Variants in CNTN6 observed in about 807,000 individuals in gnomAD.
CNTN6 encodes the protein contactin-6.
A neutral mutation model predicts 122.8 loss-of-function variants in CNTN6; 137 were observed. That is an observed-to-expected ratio of 1.12 (90% CI 0.97 to 1.29). The LOEUF is 1.29. CNTN6 is among the 50% of genes most tolerant of loss of function. The pLI is 0.00. For synonymous variants in CNTN6, 570 were observed against 426.0 expected (o/e 1.34, Z -4.16); for missense variants, 1,634 against 1,223.4 (o/e 1.34, Z -5.01).
chr3:1,321,173 T>C (rs962198784), intron 7 of CNTN6, among the ~76,000 whole-genome samples: 5 of 151,860 alleles, frequency 3.3e-5, no homozygotes, highest in Admixed American at 6.6e-5. Context: ...CTTTATATTT[T>C]TGCCTTAGAA....
chr3:1,352,423 A>G lies in CNTN6; in HGVS notation c.1464A>G (p.Ala488=). 6.2e-7 allele frequency: 1 copy of G among 1,610,040 alleles called. No homozygotes were observed. Among genetic ancestry groups the G allele is most frequent in the Non-Finnish European group, 8.5e-7 (1 of 1,177,388 alleles). The change falls in exon 12 of 23, where the codon GCA becomes GCG. Residue 488 remains alanine, a synonymous_variant. Transcript: ENST00000446702. ...TAGCCACAAATCAGTTTGGCACTGC[A>G]AAGAACACTGGCAGCCTCATTGTAA... ...TCIATNQFGT[A]KNTGSLIVKE... is the part of the protein sequence containing the mutation.
intron 4 of CNTN6, among the ~76,000 whole-genome samples, chr3:1,274,093 GA>G (rs1185976646): frequency 6.6e-6 from 1 of 151,924 alleles, no homozygotes; most frequent in Non-Finnish European, 1.5e-5. Flanking sequence ...ACAATAGTAA[GA>G]AAAAAACCTT....
intron 1 of CNTN6, among the ~76,000 whole-genome samples, chr3:1,096,617 A>C (rs2124921922): frequency 6.6e-6 from 1 of 152,262 alleles, no homozygotes; most frequent in Non-Finnish European, 1.5e-5. Context: ...CTTGCAATAA[A>C]CCTATTAAGG....
intron 11 of CNTN6, among the ~76,000 whole-genome samples, chr3:1,349,383 T>A (rs1339398676): frequency 6.6e-6 from 1 of 151,840 alleles, no homozygotes; most frequent in Non-Finnish European, 1.5e-5. Context: ...TTATCTATTC[T>A]TCTGGCTGTG....
At chr3:1,258,827 G>T (rs528649141) in intron 4 of CNTN6, among the ~76,000 whole-genome samples, 3 of 152,058 alleles carry the variant, frequency 2.0e-5, no homozygotes, top group Non-Finnish European at 4.4e-5. Context: ...CTTTGTAGCT[G>T]TGTCATAGAT....
chr3:1,119,963 G>A (rs1025497021), intron 1 of CNTN6, among the ~76,000 whole-genome samples: 2 of 152,120 alleles, frequency 1.3e-5, no homozygotes, highest in African/African-American at 2.4e-5. Flanking sequence ...ATTCTAGAAC[G>A]TTATATAAAT....
intron 20 of CNTN6, chr3:1,394,400 C>A (rs1196837510): frequency 6.4e-6 from 1 of 155,254 alleles, no homozygotes; most frequent in Admixed American, 6.5e-5. Context: ...AGGGTCGTTC[C>A]CAGGGACGAC....
rs17037072 is a variant in CNTN6, at chr3:1,277,889, C to G, written c.359-524C>G. ...GAAATCACCACATTCCAAATAAGAT[C>G]ATGAGCCTGCTTTGTAAAGGAATAA... On this transcript the variant is annotated intron_variant, in intron 4 of 22. Transcript: ENST00000446702. Among the ~76,000 whole-genome samples the G allele has an allele frequency of 8.2e-3, 1,242 of 152,266 alleles. 15 individuals are homozygous for G. Among genetic ancestry groups the G allele is most frequent in the African/African-American group, 0.029 (1,197 of 41,538 alleles).
At chr3:1,300,126 G>A (rs945856927) in intron 7 of CNTN6, among the ~76,000 whole-genome samples, 6 of 151,864 alleles carry the variant, frequency 4.0e-5, no homozygotes, top group East Asian at 1.9e-4. Flanking sequence ...ACAGGTGCCC[G>A]CCACCACGCT....
intron 4 of CNTN6, among the ~76,000 whole-genome samples, chr3:1,233,464 G>C (rs115761189): frequency 2.2e-4 from 34 of 152,028 alleles, no homozygotes; most frequent in African/African-American, 7.7e-4. Context: ...AGCCAGGCGC[G>C]GTGGCTCACG....
intron 5 of CNTN6, among the ~76,000 whole-genome samples, chr3:1,287,068 A>C (rs1694469077): frequency 6.6e-6 from 1 of 152,118 alleles, no homozygotes; most frequent in Admixed American, 6.5e-5. Flanking sequence ...CAGATTCATA[A>C]AGCACGTTCT....
chr3:1,342,371 G>T (rs1704018214), intron 11 of CNTN6, among the ~76,000 whole-genome samples: 1 of 152,060 alleles, frequency 6.6e-6, no homozygotes, highest in South Asian at 2.1e-4. Flanking sequence ...CTAGTTATCT[G>T]CCCACCTCAG....
chr3:1,373,361 A>C (rs1162551369), intron 14 of CNTN6, among the ~76,000 whole-genome samples: 1 of 152,142 alleles, frequency 6.6e-6, no homozygotes, highest in African/African-American at 2.4e-5. Context: ...ATCTTTGAGT[A>C]TAGGTTGATA....
At chr3:1,116,706 T>A (rs1171537274) in intron 1 of CNTN6, among the ~76,000 whole-genome samples, 1 of 145,852 alleles carries the variant, frequency 6.9e-6, no homozygotes, top group Non-Finnish European at 1.5e-5. Context: ...ATCTTTTTTT[T>A]TTTTTTTTTT....
chr3:1,329,814 GT>G lies in CNTN6; in HGVS notation c.1245del (p.Lys418SerfsTer63). 2 of 1,605,754 alleles carry G rather than the reference GT, an allele frequency of 1.2e-6. No individual in the cohort carries two copies. Among genetic ancestry groups the G allele is most frequent in the Non-Finnish European group, 1.7e-6 (2 of 1,176,798 alleles). ...ASAPDFSKSP[V>X]KKKSFVQVGG... ...AGCTCCAGATTTCTCCAAAAGTCCA[GT>G]TAAAAAAAAGTCTTTTGTTCAAGTT... On this transcript the variant is annotated frameshift_variant, in exon 11 of 23. Transcript: ENST00000446702. LOFTEE classifies it high-confidence loss of function.
intron 4 of CNTN6, among the ~76,000 whole-genome samples, chr3:1,277,640 A>T (rs1381496282): frequency 6.6e-6 from 1 of 152,064 alleles, no homozygotes; most frequent in Non-Finnish European, 1.5e-5. Context: ...GGATTACAGG[A>T]GTGAGCCACC....
intron 7 of CNTN6, among the ~76,000 whole-genome samples, chr3:1,300,579 AAGAAAGAAAGAAAGAAAGAAAGAAAG>A (rs1263905886): frequency 0.02 from 853 of 41,988 alleles, 11 homozygotes; most frequent in African/African-American, 0.041. Context: ...GAAAGAAAGA[AAGAAAGAAAGAAAGAAAGAAAGAAAG>A]AGAGAAAGAA....
At chr3:1,112,884 G>A (rs1052387900) in intron 1 of CNTN6, among the ~76,000 whole-genome samples, 1 of 152,060 alleles carries the variant, frequency 6.6e-6, no homozygotes, top group African/African-American at 2.4e-5. Context: ...AAGTTGTATT[G>A]GGGAGAAAAG....
rs146641132 is a variant in CNTN6, at chr3:1,324,878, C to T, written c.947-937C>T. Among the ~76,000 whole-genome samples the T allele has an allele frequency of 3.7e-4, 56 of 149,518 alleles. No individual in the cohort carries two copies. In the East Asian group the frequency reaches 0.011, roughly 28 times the overall value. On this transcript the variant is annotated intron_variant, in intron 8 of 22. Coordinates refer to ENST00000446702, the MANE Select transcript of CNTN6 (RefSeq NM_001289080.2). Reference sequence around the variant, plus strand: ...TTGAACAGGTTACCTAACATCGCTGCGAGAATCCACTGAAAGATTGTAGAG... The same window carrying T: ...TTGAACAGGTTACCTAACATCGCTGTGAGAATCCACTGAAAGATTGTAGAG...
Sources: allele counts gnomAD v4.1 joint callset (sites outside exome capture counted in the v4.1 genomes callset), GRCh38; gene constraint gnomAD v4.1.1; transcripts MANE v1.5; gene names NCBI Gene and HGNC (gene_info 2026-07-23, HGNC 2026-07-21).